Variants in FRMD1 observed in about 807,000 individuals in gnomAD.
FRMD1 encodes FERM domain containing 1.
A neutral mutation model predicts 54.9 loss-of-function variants in FRMD1; 51 were observed. The ratio of observed to expected loss-of-function variants is 0.93; its 90% CI spans 0.74 to 1.17. FRMD1 has a LOEUF of 1.17. FRMD1 is among the 50% of genes most tolerant of loss of function. The pLI is 0.00. For missense variants in FRMD1, 729 were observed against 743.0 expected, an observed-to-expected ratio of 0.98 and a Z score of 0.22; for synonymous variants, 324 against 306.4, an observed-to-expected ratio of 1.06 and a Z score of -0.60.
chr6:168,090,970 G>T (rs879616875), intron 1 of FRMD1, among the ~76,000 whole-genome samples: 1 of 152,174 alleles, frequency 6.6e-6, no homozygotes, highest in Non-Finnish European at 1.5e-5. Flanking sequence ...ACCTCAGGTC[G>T]GCAGGAAGCC....
chr6:168,091,358 G>A (rs370490733), intron 1 of FRMD1, among the ~76,000 whole-genome samples: 4 of 152,186 alleles, frequency 2.6e-5, no homozygotes, highest in East Asian at 3.9e-4. Flanking sequence ...TGGTTTTTCT[G>A]CCTGGAATGT....
upstream of FRMD1, among the ~76,000 whole-genome samples, chr6:168,082,377 T>C (rs566167907): frequency 2.6e-5 from 4 of 152,140 alleles, no homozygotes; most frequent in East Asian, 1.9e-4. Context: ...TGTACTCTGC[T>C]CTCTCCCTTC....
At chr6:168,073,024 C>T (rs933823366) in intron 2 of FRMD1, among the ~76,000 whole-genome samples, 4 of 152,146 alleles carry the variant, frequency 2.6e-5, no homozygotes, top group African/African-American at 7.2e-5. Flanking sequence ...TGACTGGGCT[C>T]CTGCACAGGG....
intron 4 of FRMD1, chr6:168,066,178 G>C (rs1583182770): frequency 1.0e-6 from 1 of 987,260 alleles, no homozygotes; most frequent in Non-Finnish European, 1.2e-6. Flanking sequence ...ACCCACCCTA[G>C]AGAGTACGAG....
At chr6:168,089,729 G>A (rs562709553) in intron 1 of FRMD1, among the ~76,000 whole-genome samples, 3 of 152,314 alleles carry the variant, frequency 2.0e-5, no homozygotes, top group Admixed American at 6.5e-5. Context: ...AATCGAAGGC[G>A]GACGGGCACA....
At chr6:168,063,821 C>T (rs1199374365) in intron 5 of FRMD1, 65 bp from the exon 6 acceptor site, 12 of 1,506,846 alleles carry the variant, frequency 8.0e-6, no homozygotes, top group Non-Finnish European at 1.1e-5. Flanking sequence ...TTGCCAGCCC[C>T]CTGCTCCGAG....
At chr6:168,065,625 C>G in intron 4 of FRMD1, 1 of 986,688 alleles carries the variant, frequency 1.0e-6, no homozygotes. Flanking sequence ...CAGACCTCCC[C>G]TCCAAGGCTA....
At chr6:168,067,279 G>T in intron 3 of FRMD1, 88 bp downstream of exon 3, 1 of 855,190 alleles carries the variant, frequency 1.2e-6, no homozygotes, top group Non-Finnish European at 1.9e-6. Context: ...CCACCGCGGT[G>T]CCTGCTCTCT....
chr6:168,074,882 T>C (rs1268861597), intron 2 of FRMD1, among the ~76,000 whole-genome samples: 1 of 63,456 alleles, frequency 1.6e-5, no homozygotes, highest in Non-Finnish European at 3.8e-5. Flanking sequence ...ATGTCAGTGG[T>C]GCGTAACTGT....
chr6:168,092,421 GATGTGGTC>G (rs1177976952), intron 1 of FRMD1, among the ~76,000 whole-genome samples: 1 of 152,198 alleles, frequency 6.6e-6, no homozygotes, highest in Non-Finnish European at 1.5e-5. Flanking sequence ...TTTGGGAGGT[GATGTGGTC>G]ATGGGGGTGG....
chr6:168,080,471 C>T (rs953584660), upstream of FRMD1, among the ~76,000 whole-genome samples: 1 of 152,182 alleles, frequency 6.6e-6, no homozygotes, highest in Non-Finnish European at 1.5e-5. Context: ...AAAAAACAGC[C>T]CCAGAGAGCA....
At chr6:168,089,893 C>A (rs909881144) in intron 1 of FRMD1, among the ~76,000 whole-genome samples, 1 of 152,188 alleles carries the variant, frequency 6.6e-6, no homozygotes, top group Non-Finnish European at 1.5e-5. Context: ...ATCCCGCTGG[C>A]GCTGGTGGTG....
rs1466280016 is a variant in FRMD1, at chr6:168,075,307, T to C, written c.242A>G (p.Gln81Arg). Residue 81 changes from glutamine (Q) to arginine (R), a missense_variant, in exon 2 of 11, where the codon CAG becomes CGG. Physicochemically the swap from Gln to Arg is conservative, Grantham distance 43 (BLOSUM62 1). Transcript: ENST00000283309. ...GVKATGRELF[Q>R]QVCNVASIRD... ...GATGCTCGCCACGTTGCACACTTGC[T>C]GGAAAAGCTCGCGGCCAGTAGCCTT... 4 of 1,613,520 alleles carry C rather than the reference T, an allele frequency of 2.5e-6. No homozygotes were observed. The highest frequency in any genetic ancestry group is 1.1e-5 in the South Asian group (1 of 91,084).
intron 2 of FRMD1, 108 bp from the exon 3 acceptor site, chr6:168,067,554 A>C (rs1800106291): frequency 1.4e-6 from 1 of 699,796 alleles, no homozygotes; most frequent in African/African-American, 1.8e-5. Context: ...ACAGCTGAAA[A>C]CTGTGCGTCT....
In FRMD1 at chr6:168,077,538, T is replaced by C. The variant is rs369364019; in HGVS notation, c.213+1344A>G. Among the ~76,000 whole-genome samples the C allele has an allele frequency of 2.8e-4, 42 of 152,160 alleles. No homozygotes were observed. The South Asian group carries it at 8.1e-3, about 29-fold the overall frequency. On this transcript the variant is annotated intron_variant, in intron 1 of 10. Transcript: ENST00000283309. ...ACCCAGTGAGGGGTTCCTGTCCAAC[T>C]GCAGACACAGATGTGCGCACACCCC...
chr6:168,068,483 A>G (rs149761253), intron 2 of FRMD1, among the ~76,000 whole-genome samples: 2 of 152,222 alleles, frequency 1.3e-5, no homozygotes, highest in Non-Finnish European at 2.9e-5. Flanking sequence ...GCACATCCTC[A>G]TGTACACTTT....
At chr6:168,077,330 A>G (rs1416072171) in intron 1 of FRMD1, among the ~76,000 whole-genome samples, 5 of 151,554 alleles carry the variant, frequency 3.3e-5, no homozygotes, top group African/African-American at 9.7e-5. Flanking sequence ...GCAAACCCCA[A>G]TGAGGGGTTC....
chr6:168,085,005 T>C (rs1800895203), upstream of FRMD1, among the ~76,000 whole-genome samples: 2 of 152,150 alleles, frequency 1.3e-5, no homozygotes, highest in Admixed American at 6.5e-5. Flanking sequence ...TGTCACTCCC[T>C]CCCGTGTTCC....
chr6:168,066,515 A>G, intron 4 of FRMD1: 1 of 1,271,058 alleles, frequency 7.9e-7, no homozygotes. Context: ...AAACAAAACA[A>G]AACAAAAAGA....
Sources: gnomAD v4.1 joint callset for allele counts (sites outside exome capture counted in the v4.1 genomes callset) on GRCh38, gnomAD v4.1.1 for gene constraint, MANE v1.5 for transcripts, NCBI Gene and HGNC (gene_info 2026-07-23, HGNC 2026-07-21) for gene names.